CMPK1: variants seen among roughly 807,000 people sequenced by gnomAD.
CMPK1 encodes UMP-CMP kinase.
In CMPK1, 10 loss-of-function variants were observed where a neutral mutation model predicts 25.7. The observed-to-expected ratio is 0.39, with a 90% CI of 0.24 to 0.66. The LOEUF (loss-of-function observed/expected upper bound fraction) is 0.66, where lower values mean the gene tolerates loss of function less well. Ranked by LOEUF, CMPK1 falls within the 30% of genes least tolerant of loss-of-function variation. The probability of loss-of-function intolerance (pLI) is 0.48; values close to 1 mark genes in which losing one functional copy is unlikely to be tolerated. For synonymous variants in CMPK1, 106 were observed against 101.5 expected, an observed-to-expected ratio of 1.04 and a Z score of -0.27; for missense variants, 199 against 280.5, an observed-to-expected ratio of 0.71 and a Z score of 2.08.
chr1:47,355,946 G>A (rs1646558112), intron 1 of CMPK1, among the ~76,000 whole-genome samples: 1 of 152,140 alleles, frequency 6.6e-6, no homozygotes, highest in Non-Finnish European at 1.5e-5. Context: ...CATCACCTTT[G>A]TATAGTGAAA....
chr1:47,339,132 G>A (rs1000875217), intron 1 of CMPK1, among the ~76,000 whole-genome samples: 4 of 148,998 alleles, frequency 2.7e-5, no homozygotes, highest in Middle Eastern at 3.5e-3. Flanking sequence ...TGCAACCTCC[G>A]CCTCCTGGGT....
chr1:47,340,950 T>G (rs867693608), intron 1 of CMPK1, among the ~76,000 whole-genome samples: 2 of 152,204 alleles, frequency 1.3e-5, no homozygotes, highest in African/African-American at 2.4e-5. Context: ...TTTTTCTTTT[T>G]TAAGAAAGTT....
chr1:47,371,930 T>A (rs1358582702), intron 2 of CMPK1, among the ~76,000 whole-genome samples: 1 of 152,206 alleles, frequency 6.6e-6, no homozygotes, highest in Admixed American at 6.5e-5. Context: ...GCCATCTACC[T>A]AGCTACTCAA....
chr1:47,366,459 T>A (rs1646640311), intron 1 of CMPK1, among the ~76,000 whole-genome samples: 2 of 151,804 alleles, frequency 1.3e-5, no homozygotes, highest in African/African-American at 4.8e-5. Flanking sequence ...TAGCTGTTAC[T>A]AAAATACCAT....
intron 1 of CMPK1, among the ~76,000 whole-genome samples, chr1:47,346,713 A>G (rs1646487275): frequency 6.6e-6 from 1 of 152,104 alleles, no homozygotes. Flanking sequence ...CATGTTGGCC[A>G]GGCTGGTCTC....
chr1:47,358,425 A>C, intron 1 of CMPK1: 1 of 1,207,908 alleles, frequency 8.3e-7, no homozygotes, highest in Non-Finnish European at 1.0e-6. Context: ...TGTTTTTAGA[A>C]GTTTGTTCTT....
Position 47,346,290 on chromosome 1 carries a change from C to T in CMPK1, c.171+12174C>T, listed in dbSNP as rs576773375. Reference sequence around the variant, plus strand: ...GTCTCGAACTCATGACCTCGTGATCCGCCAGCCTCAGCCTCCCAAAGTGCT... The same window carrying T: ...GTCTCGAACTCATGACCTCGTGATCTGCCAGCCTCAGCCTCCCAAAGTGCT... On this transcript the variant is annotated intron_variant, in intron 1 of 5. Transcript: ENST00000371873. Among the ~76,000 whole-genome samples, 19 of 150,596 alleles carry T rather than the reference C, an allele frequency of 1.3e-4. No individual in the cohort carries two copies. In the South Asian group the frequency reaches 1.7e-3, roughly 13 times the overall value.
intron 1 of CMPK1, among the ~76,000 whole-genome samples, chr1:47,335,922 C>T (rs1646395353): frequency 6.6e-6 from 1 of 152,084 alleles, no homozygotes; most frequent in Non-Finnish European, 1.5e-5. Context: ...GCCACCACGC[C>T]TGGCTAATTT....
In CMPK1 at chr1:47,338,377, C is replaced by G. The variant is rs188292143; in HGVS notation, c.171+4261C>G. On this transcript the variant is annotated intron_variant, in intron 1 of 5. Coordinates refer to ENST00000371873, the MANE Select transcript of CMPK1 (RefSeq NM_016308.3). ...CCTGGAGACCTAGAGAAGGTAAAGG[C>G]AAATCTGATACAGTGTCTTCTGAGA... Among the ~76,000 whole-genome samples, 11 of 152,282 alleles carry G rather than the reference C, an allele frequency of 7.2e-5. No homozygotes were observed. In the East Asian group the frequency reaches 2.1e-3, roughly 29 times the overall value.
intron 1 of CMPK1, among the ~76,000 whole-genome samples, chr1:47,353,191 A>G (rs758927453): frequency 6.6e-6 from 1 of 152,234 alleles, no homozygotes; most frequent in African/African-American, 2.4e-5. Context: ...CATTTCTAGA[A>G]TATCTTGCTT....
intron 1 of CMPK1, among the ~76,000 whole-genome samples, chr1:47,352,358 A>G (rs1014407347): frequency 6.6e-6 from 1 of 152,176 alleles, no homozygotes; most frequent in African/African-American, 2.4e-5. Context: ...CATCTTGTAC[A>G]ATAGAACATC....
intron 1 of CMPK1, among the ~76,000 whole-genome samples, chr1:47,365,845 A>T (rs747896948): frequency 6.6e-6 from 1 of 152,164 alleles, no homozygotes; most frequent in Non-Finnish European, 1.5e-5. Context: ...ATTTCAGTTA[A>T]AATTTTAGGC....
intron 1 of CMPK1, among the ~76,000 whole-genome samples, chr1:47,342,560 A>G (rs1367283677): frequency 6.6e-6 from 1 of 152,088 alleles, no homozygotes; most frequent in Admixed American, 6.6e-5. Context: ...AAGTATATGA[A>G]TATCATCTTG....
At position 47,368,519 on chromosome 1, in the gene CMPK1, G is replaced by A; in HGVS notation, c.222G>A (p.Arg74=). The A allele has an allele frequency of 6.2e-7, 1 of 1,613,426 alleles. No homozygotes were observed. Among genetic ancestry groups the A allele is most frequent in the Non-Finnish European group, 8.5e-7 (1 of 1,179,630 alleles). ...CAGGAGAGCTGCTTCGTGATGAAAG[G>A]AAGAACCCAGATTCACAGTATGGTG... ...LSAGELLRDE[R]KNPDSQYGEL... The change falls in exon 2 of 6, where the codon AGG becomes AGA. Residue 74 remains arginine (R), a synonymous_variant. Coordinates refer to ENST00000371873, the MANE Select transcript of CMPK1 (RefSeq NM_016308.3).
intron 1 of CMPK1, among the ~76,000 whole-genome samples, chr1:47,360,302 G>A (rs962578672): frequency 7.2e-5 from 11 of 151,974 alleles, no homozygotes; most frequent in Non-Finnish European, 2.9e-5. Flanking sequence ...AAAAATACTG[G>A]AATTGACCAA....
chr1:47,372,026 T>C (rs143748237), intron 2 of CMPK1, among the ~76,000 whole-genome samples: 61 of 152,304 alleles, frequency 4.0e-4, no homozygotes, highest in Admixed American at 1.6e-3. Context: ...TTCCAGTTAT[T>C]TTTCTTTTAA....
chr1:47,343,483 G>A (rs1646457558), intron 1 of CMPK1, among the ~76,000 whole-genome samples: 1 of 147,086 alleles, frequency 6.8e-6, no homozygotes, highest in African/African-American at 2.5e-5. Flanking sequence ...ACTCCAGCCT[G>A]GGCAACAGAG....
chr1:47,372,678 GAAAA>G (rs1195050851), intron 2 of CMPK1, among the ~76,000 whole-genome samples: 1 of 151,998 alleles, frequency 6.6e-6, no homozygotes, highest in Non-Finnish European at 1.5e-5. Context: ...GGAAACCACA[GAAAA>G]AAATTGTGTG....
intron 1 of CMPK1, among the ~76,000 whole-genome samples, chr1:47,361,311 C>A (rs1279313235): frequency 6.6e-6 from 1 of 152,168 alleles, no homozygotes; most frequent in Non-Finnish European, 1.5e-5. Flanking sequence ...ATCACTTGAA[C>A]CCAGGAGGCG....
Sources: gnomAD v4.1 joint callset for allele counts (sites outside exome capture counted in the v4.1 genomes callset) on GRCh38, gnomAD v4.1.1 for gene constraint, MANE v1.5 for transcripts, NCBI Gene and HGNC (gene_info 2026-07-23, HGNC 2026-07-21) for gene names.